DNAH14: variants seen among roughly 807,000 people sequenced by gnomAD.
DNAH14 encodes the protein dynein axonemal heavy chain 14.
DNAH14 carries 478 observed loss-of-function variants against 520.9 expected under a neutral mutation model. The ratio of observed to expected loss-of-function variants is 0.92; its 90% CI spans 0.85 to 0.99. The LOEUF (loss-of-function observed/expected upper bound fraction) is 0.99, where lower values mean the gene tolerates loss of function less well. Among genes scored for constraint, DNAH14 ranks in the 50% least tolerant of loss-of-function variants. DNAH14 has a pLI of 0.00. For synonymous variants in DNAH14, 1,581 were observed against 1,757.2 expected (o/e 0.90, Z 2.51); for missense variants, 4,831 against 5,234.5 (o/e 0.92, Z 2.38).
chr1:224,968,955 A>C, intron 7 of DNAH14, 81 bp downstream of exon 7: 2 of 916,790 alleles, frequency 2.2e-6, no homozygotes, highest in South Asian at 3.4e-5. Context: ...TCTGGGTTCT[A>C]CTACAGTAAT....
At chr1:225,162,500 G>T (rs1455943451) in intron 35 of DNAH14, among the ~76,000 whole-genome samples, 1 of 152,108 alleles carries the variant, frequency 6.6e-6, no homozygotes, top group African/African-American at 2.4e-5. Flanking sequence ...TTTTGTTCAG[G>T]ATAGCTTTGG....
chr1:225,074,144 C>T (rs796728739), intron 17 of DNAH14, among the ~76,000 whole-genome samples: 183 of 150,938 alleles, frequency 1.2e-3, no homozygotes, highest in African/African-American at 3.8e-3. Flanking sequence ...GGACTACAGG[C>T]GCCCGCCACT....
intron 8 of DNAH14, among the ~76,000 whole-genome samples, chr1:224,985,767 T>A (rs535540955): frequency 6.6e-6 from 1 of 152,058 alleles, no homozygotes; most frequent in East Asian, 1.9e-4. Flanking sequence ...GTTGATCTAC[T>A]GAAGAATGCA....
At chr1:225,158,578 CTGAT>C (rs893701337) in intron 34 of DNAH14, among the ~76,000 whole-genome samples, 14 of 152,296 alleles carry the variant, frequency 9.2e-5, no homozygotes, top group African/African-American at 3.4e-4. Context: ...CTGCCATACA[CTGAT>C]TGACTAGAGC....
At chr1:225,178,167 G>T (rs932869477) in intron 36 of DNAH14, among the ~76,000 whole-genome samples, 7 of 152,132 alleles carry the variant, frequency 4.6e-5, no homozygotes, top group African/African-American at 1.7e-4. Context: ...GAGGCCTGTA[G>T]CTCCTTTGTT....
chr1:225,293,434 G>C (rs913364211), intron 55 of DNAH14, among the ~76,000 whole-genome samples: 3 of 152,142 alleles, frequency 2.0e-5, no homozygotes, highest in African/African-American at 7.2e-5. Context: ...ATGTTCATCA[G>C]TGACAGGCTG....
At chr1:224,980,460 C>T (rs1435258802) in intron 8 of DNAH14, among the ~76,000 whole-genome samples, 1 of 152,070 alleles carries the variant, frequency 6.6e-6, no homozygotes, top group Non-Finnish European at 1.5e-5. Context: ...AGCTCAGTTG[C>T]GGTAGTATAG....
intron 1 of DNAH14, among the ~76,000 whole-genome samples, chr1:224,946,942 G>T (rs2059882772): frequency 1.6e-5 from 2 of 128,826 alleles, no homozygotes; most frequent in South Asian, 5.0e-4. Flanking sequence ...TTTTGAGACA[G>T]AGTCTTGCTC....
intron 74 of DNAH14, among the ~76,000 whole-genome samples, chr1:225,359,511 A>G (rs1423146091): frequency 1.3e-5 from 2 of 152,198 alleles, no homozygotes; most frequent in Admixed American, 1.3e-4. Context: ...CCCAAGCAAA[A>G]TATTTTCTTC....
At chr1:225,243,590 T>C (rs1457763299) in intron 43 of DNAH14, among the ~76,000 whole-genome samples, 2 of 152,020 alleles carry the variant, frequency 1.3e-5, no homozygotes, top group Non-Finnish European at 2.9e-5. Context: ...CCATTTTTAA[T>C]AAATGATGAA....
chr1:225,356,901 TTA>T (rs1422288455), intron 73 of DNAH14, among the ~76,000 whole-genome samples: 1 of 152,182 alleles, frequency 6.6e-6, no homozygotes, highest in Admixed American at 6.5e-5. Flanking sequence ...ACTAGAAATT[TTA>T]TGAGTATAGT....
intron 77 of DNAH14, among the ~76,000 whole-genome samples, chr1:225,369,910 G>T (rs1475092031): frequency 6.6e-6 from 1 of 152,080 alleles, no homozygotes; most frequent in Non-Finnish European, 1.5e-5. Context: ...AATCAGCCAG[G>T]CTCGGTGGCT....
intron 59 of DNAH14, 118 bp downstream of exon 59, chr1:225,307,687 T>C (rs2094276183): frequency 1.3e-6 from 1 of 745,702 alleles, no homozygotes; most frequent in Non-Finnish European, 2.1e-6. Flanking sequence ...TGTTACCCTA[T>C]AGTTGTGTAC....
At chr1:225,280,069 AG>A (rs2093592103) in intron 54 of DNAH14, among the ~76,000 whole-genome samples, 1 of 152,016 alleles carries the variant, frequency 6.6e-6, no homozygotes, top group Admixed American at 6.5e-5. Context: ...GGAGCTCAAC[AG>A]CAGATTTAAC....
At chr1:225,237,848 C>T (rs2091705042) in intron 42 of DNAH14, among the ~76,000 whole-genome samples, 1 of 152,098 alleles carries the variant, frequency 6.6e-6, no homozygotes, top group African/African-American at 2.4e-5. Context: ...GTCTGCCTGT[C>T]TTATTTCAGA....
intron 66 of DNAH14, among the ~76,000 whole-genome samples, chr1:225,335,177 G>A (rs1463145544): frequency 1.4e-5 from 2 of 138,558 alleles, no homozygotes; most frequent in Non-Finnish European, 3.3e-5. Context: ...ATGTGTACAT[G>A]TGCGCATGTG....
At chr1:225,229,262 A>G (rs1279312434) in intron 41 of DNAH14, among the ~76,000 whole-genome samples, 1 of 152,184 alleles carries the variant, frequency 6.6e-6, no homozygotes, top group Non-Finnish European at 1.5e-5. Flanking sequence ...TCTTTGGGAC[A>G]GACTCAGCAA....
intron 27 of DNAH14, among the ~76,000 whole-genome samples, chr1:225,136,954 C>T (rs1170654510): frequency 6.6e-6 from 1 of 152,150 alleles, no homozygotes; most frequent in Non-Finnish European, 1.5e-5. Context: ...GCTATTGATA[C>T]TTGTGATTGC....
intron 66 of DNAH14, 34 bp downstream of exon 66, chr1:225,333,540 CTAT>C (rs1213184930): frequency 1.3e-6 from 2 of 1,504,794 alleles, no homozygotes; most frequent in African/African-American, 1.4e-5. Flanking sequence ...AGTTAAGTGG[CTAT>C]TATTGTTTAT....
Sources: gnomAD v4.1 joint callset for allele counts (sites outside exome capture counted in the v4.1 genomes callset) on GRCh38, gnomAD v4.1.1 for gene constraint, MANE v1.5 for transcripts, NCBI Gene and HGNC (gene_info 2026-07-23, HGNC 2026-07-21) for gene names.